The following HDAC4 variants were observed in gnomAD, a reference collection of about 807,000 sequenced individuals.
The protein encoded by HDAC4 is histone deacetylase 4.
In HDAC4, 16 loss-of-function variants were observed where a neutral mutation model predicts 135.1. That is an observed-to-expected ratio of 0.12 (90% CI 0.08 to 0.18). The LOEUF is 0.18. HDAC4 is among the 10% of genes least tolerant of loss of function. The pLI, the probability that HDAC4 is intolerant of heterozygous loss-of-function variation, is 1.00. For synonymous variants in HDAC4, 685 were observed against 653.4 expected, an observed-to-expected ratio of 1.05 and a Z score of -0.74; for missense variants, 1,143 against 1,511.8, an observed-to-expected ratio of 0.76 and a Z score of 4.05.
At chr2:239,239,441 G>A (rs1236064042) in intron 2 of HDAC4, among the ~76,000 whole-genome samples, 3 of 152,184 alleles carry the variant, frequency 2.0e-5, no homozygotes, top group Non-Finnish European at 2.9e-5. Flanking sequence ...TGCTCCTCTC[G>A]TCTCTGCGTC....
chr2:239,118,389 G>A (rs1262430566), intron 12 of HDAC4, among the ~76,000 whole-genome samples: 6 of 152,176 alleles, frequency 3.9e-5, no homozygotes, highest in African/African-American at 1.4e-4. Context: ...GTGTCGGGGC[G>A]GGCCGGCCAT....
At chr2:239,148,085 A>C (rs1469894427) in intron 7 of HDAC4, among the ~76,000 whole-genome samples, 1 of 152,230 alleles carries the variant, frequency 6.6e-6, no homozygotes, top group Non-Finnish European at 1.5e-5. Context: ...CAGCGAGGAA[A>C]GAACCCATTG....
chr2:239,295,853 A>G (rs2051855941), intron 2 of HDAC4, among the ~76,000 whole-genome samples: 1 of 152,154 alleles, frequency 6.6e-6, no homozygotes, highest in Non-Finnish European at 1.5e-5. Context: ...CCACATCACA[A>G]GTGCCCCCAG....
intron 16 of HDAC4, among the ~76,000 whole-genome samples, chr2:239,101,838 C>G (rs2037669400): frequency 6.6e-6 from 1 of 151,462 alleles, no homozygotes; most frequent in Non-Finnish European, 1.5e-5. Context: ...CTGGGAGCCC[C>G]CGGCCCCGGG....
At chr2:239,070,102 C>T (rs986246945) in intron 22 of HDAC4, among the ~76,000 whole-genome samples, 7 of 152,200 alleles carry the variant, frequency 4.6e-5, no homozygotes, top group African/African-American at 1.7e-4. Context: ...CTTTCCACAG[C>T]TCCCACTGAA....
At chr2:239,236,756 A>G in intron 2 of HDAC4, 92 bp from the exon 3 acceptor site, 1 of 871,570 alleles carries the variant, frequency 1.1e-6, no homozygotes, top group South Asian at 1.4e-5. Flanking sequence ...AACTCCCCAA[A>G]CAATGAAATG....
In HDAC4 at chr2:239,262,224, T is replaced by G. The variant is rs546519650; in HGVS notation, c.23-25560A>C. On this transcript the variant is annotated intron_variant, in intron 2 of 26. Transcript: ENST00000543185. This position sits in a 1 kb window ranked among gnomAD's most constrained non-coding sequence, Gnocchi z 4.1. ...TTTTATAAGCTAGTATTTCCTCCTG[T>G]GGTGTCTCCTTGGGGGAATCCTAAA... Among the ~76,000 whole-genome samples the G allele has an allele frequency of 2.6e-5, 4 of 152,320 alleles. No individual in the cohort carries two copies. The South Asian group carries it at 8.3e-4, about 32-fold the overall frequency.
intron 2 of HDAC4, among the ~76,000 whole-genome samples, chr2:239,267,226 G>C (rs2049788406): frequency 6.6e-6 from 1 of 152,208 alleles, no homozygotes; most frequent in African/African-American, 2.4e-5. Flanking sequence ...CCGGCCCACA[G>C]AAAGTTCCCA....
At chr2:239,056,386 C>A (rs2031849676) in intron 24 of HDAC4, among the ~76,000 whole-genome samples, 2 of 152,214 alleles carry the variant, frequency 1.3e-5, no homozygotes, top group Admixed American at 1.3e-4. Flanking sequence ...CCTGGAGCAC[C>A]TCGTGGTGCT....
intron 2 of HDAC4, among the ~76,000 whole-genome samples, chr2:239,273,680 A>G (rs1028592782): frequency 6.6e-6 from 1 of 152,084 alleles, no homozygotes; most frequent in Non-Finnish European, 1.5e-5. Context: ...CCAGAAAGAG[A>G]GGGAGGAGGA....
chr2:239,227,190 T>C (rs893600404), intron 3 of HDAC4, among the ~76,000 whole-genome samples: 1 of 151,972 alleles, frequency 6.6e-6, no homozygotes, highest in African/African-American at 2.4e-5. Flanking sequence ...GAGAATGAAA[T>C]ATCTGCTCAG....
intron 6 of HDAC4, among the ~76,000 whole-genome samples, chr2:239,162,916 G>A (rs1575247729): frequency 3.3e-5 from 5 of 152,164 alleles, no homozygotes; most frequent in Admixed American, 2.6e-4. Context: ...TTTTTCCAAC[G>A]AAATTACTGA....
chr2:239,239,407 G>A (rs1394503322), intron 2 of HDAC4, among the ~76,000 whole-genome samples: 1 of 152,216 alleles, frequency 6.6e-6, no homozygotes, highest in Non-Finnish European at 1.5e-5. Flanking sequence ...TACCACTGGG[G>A]TCAGCAGGTG....
At chr2:239,267,346 C>A (rs2049797719) in intron 2 of HDAC4, among the ~76,000 whole-genome samples, 1 of 152,210 alleles carries the variant, frequency 6.6e-6, no homozygotes, top group Non-Finnish European at 1.5e-5. Flanking sequence ...CAGACCCTCC[C>A]GAGGAAGCCG....
chr2:239,369,743 T>G (rs893877493), intron 1 of HDAC4, among the ~76,000 whole-genome samples: 3 of 152,102 alleles, frequency 2.0e-5, no homozygotes, highest in African/African-American at 7.2e-5. Flanking sequence ...GCCCATGACG[T>G]CTCAGCAGGC....
rs71043188 is a variant in HDAC4, at chr2:239,357,888, C to CAAAAA, written c.-219-4975_-219-4971dup. Among the ~76,000 whole-genome samples, 35 of 55,652 alleles carry CAAAAA rather than the reference C, an allele frequency of 6.3e-4. 1 individual carries two copies. Among genetic ancestry groups the CAAAAA allele is most frequent in the African/African-American group, 2.7e-3 (31 of 11,522 alleles). 36.5% of individuals were successfully genotyped at this position (55,652 alleles called of 152,430 possible). A position where few individuals can be genotyped will look rare whatever the true frequency, so the allele number is the denominator to read the frequency against. ...TGGGTGACAGAGCAAGCCTCTGTTC[C>CAAAAA]AAAAAAAAAAAAAAAAAAAAAAAAA... On this transcript the variant is annotated intron_variant, in intron 1 of 26. Transcript: ENST00000543185.
chr2:239,203,101 G>A (rs572028368), intron 3 of HDAC4, among the ~76,000 whole-genome samples: 59 of 152,314 alleles, frequency 3.9e-4, no homozygotes, highest in African/African-American at 1.3e-3. Context: ...TAGGGTGGCA[G>A]GCAGAAGCTA....
intron 2 of HDAC4, among the ~76,000 whole-genome samples, chr2:239,246,879 ATGTGGGTGCGTCACTGCACAGC>A (rs2048494812): frequency 2.6e-5 from 4 of 152,160 alleles, no homozygotes; most frequent in Admixed American, 2.6e-4. Context: ...GCGAGGGCAC[ATGTGGGTGCGTCACTGCACAGC>A]TGTGCTGTAC....
At chr2:239,221,467 G>A (rs753526921) in intron 3 of HDAC4, among the ~76,000 whole-genome samples, 18 of 152,204 alleles carry the variant, frequency 1.2e-4, no homozygotes, top group Admixed American at 2.0e-4. Context: ...GAGCTTCGGA[G>A]ACCCTGTGCC....
Sources: allele counts gnomAD v4.1 joint callset (sites outside exome capture counted in the v4.1 genomes callset), GRCh38; gene constraint gnomAD v4.1.1; non-coding constraint Gnocchi (gnomAD v3.1); transcripts MANE v1.5; gene names NCBI Gene and HGNC (gene_info 2026-07-23, HGNC 2026-07-21).